CDH13: variants seen among roughly 807,000 people sequenced by gnomAD.
CDH13 encodes cadherin-13.
Under a neutral mutation model 63.8 loss-of-function variants are expected in CDH13, and 24 were observed. That is an observed-to-expected ratio of 0.38 (90% confidence interval 0.27 to 0.53). CDH13 has a LOEUF of 0.53. Ranked by LOEUF, CDH13 falls within the 20% of genes least tolerant of loss-of-function variation. The pLI, the probability that CDH13 is intolerant of heterozygous loss-of-function variation, is 0.85. For missense variants in CDH13, 1,049 were observed against 903.1 expected (o/e 1.16, Z -2.07); for synonymous variants, 503 against 355.3 (o/e 1.42, Z -4.67).
At position 83,227,228 on chromosome 16, in the gene CDH13, AAG is replaced by A. The variant is rs1345380856; in HGVS notation, c.636+9736_636+9737del. 3.3e-5 allele frequency among the ~76,000 whole-genome samples: 5 copies of A among 152,358 alleles called. No individual in the cohort carries two copies. In the South Asian group the frequency reaches 1.0e-3, roughly 32 times the overall value. On this transcript the variant is annotated intron_variant, in intron 5 of 13. Transcript: ENST00000567109. ...GGTGGCCAAGGATTACACAGTTGGA[AAG>A]AGAGGCCCCCTCTGACACCTGTAGC...
intron 1 of CDH13, among the ~76,000 whole-genome samples, chr16:82,828,662 G>GTA (rs760650893): frequency 1.4e-5 from 2 of 141,718 alleles, no homozygotes; most frequent in African/African-American, 2.6e-5. Flanking sequence ...GTGTGTGTGT[G>GTA]TGTATATATA....
At chr16:82,961,592 A>AAAAAAAAC (rs1907012815) in intron 2 of CDH13, among the ~76,000 whole-genome samples, 3 of 149,564 alleles carry the variant, frequency 2.0e-5, no homozygotes, top group African/African-American at 7.4e-5. Flanking sequence ...AAAAAAAAAA[A>AAAAAAAAC]AAAACTACTG....
chr16:82,932,581 G>C (rs1423098537), intron 2 of CDH13, among the ~76,000 whole-genome samples: 1 of 152,164 alleles, frequency 6.6e-6, no homozygotes, highest in Non-Finnish European at 1.5e-5. Context: ...CGTCCAGTGA[G>C]GTAGACTCAA....
chr16:82,903,233 A>T (rs370743706), intron 2 of CDH13, among the ~76,000 whole-genome samples: 2 of 152,236 alleles, frequency 1.3e-5, no homozygotes, highest in Admixed American at 6.5e-5. Context: ...GAATGCCTCA[A>T]TGAAAAACAT....
chr16:83,262,448 C>T (rs1316541601), intron 5 of CDH13, among the ~76,000 whole-genome samples: 2 of 152,248 alleles, frequency 1.3e-5, no homozygotes, highest in Middle Eastern at 3.4e-3. Flanking sequence ...GAAGAAATTT[C>T]ATTTTCTTTC....
chr16:82,695,746 A>G (rs550497132), intron 1 of CDH13, among the ~76,000 whole-genome samples: 2 of 152,246 alleles, frequency 1.3e-5, no homozygotes, highest in African/African-American at 2.4e-5. Context: ...ACAGCAGGAG[A>G]TTTGAACACA....
intron 8 of CDH13, among the ~76,000 whole-genome samples, chr16:83,603,540 C>G (rs1908049343): frequency 6.6e-6 from 1 of 152,192 alleles, no homozygotes; most frequent in Non-Finnish European, 1.5e-5. Context: ...TCCTGTGATT[C>G]AAAAGCTGCA....
At position 83,726,848 on chromosome 16, in the gene CDH13, A is replaced by G. The variant is rs201027799; in HGVS notation, c.1539-21260A>G. On this transcript the variant is annotated intron_variant, in intron 10 of 13. Coordinates refer to ENST00000567109, the MANE Select transcript of CDH13 (RefSeq NM_001257.5). ...AGCAAGACTCTGTCTCAAAAAAAAA[A>G]AAAAATCACCGTCCTTTTTTGGCGT... Among the ~76,000 whole-genome samples the G allele has an allele frequency of 9.3e-3, 1,420 of 152,180 alleles. 65 individuals carry two copies. The highest frequency in any genetic ancestry group is 0.068 in the Admixed American group (1,039 of 15,288).
At chr16:82,852,343 G>C (rs987469536) in intron 1 of CDH13, among the ~76,000 whole-genome samples, 12 of 152,180 alleles carry the variant, frequency 7.9e-5, no homozygotes, top group African/African-American at 2.9e-4. Context: ...GCGTTCCGTG[G>C]ATGTGTCTTG....
At position 83,796,837 on chromosome 16, in the gene CDH13, C is replaced by T. The variant is rs968256607; in HGVS notation, c.*1807C>T. 2.6e-5 allele frequency: 4 copies of T among 152,180 alleles called. No homozygotes were observed. The highest frequency in any genetic ancestry group is 9.7e-5 in the African/African-American group (4 of 41,444). 9.4% of individuals were successfully genotyped at this position (152,180 alleles called of 1,614,324 possible). On this transcript the variant is annotated 3_prime_UTR_variant, in exon 14 of 14. Transcript: ENST00000567109. ...AATCAGCTATAAAGGTAATTGCATACTCAAAGATGAGACGGACCATTCTCA... is the reference window on the plus strand; with the variant it reads ...AATCAGCTATAAAGGTAATTGCATATTCAAAGATGAGACGGACCATTCTCA...
In CDH13 at chr16:83,200,921, A is replaced by ATGTGTGTGTG. The variant is rs374017580; in HGVS notation, c.484-16382_484-16373dup. ...GGAGCAAGATTCTCTAGTCTTAAAA[A>ATGTGTGTGTG]TGTGTGTGTGTGTGTGTGTGTGTGT... On this transcript the variant is annotated intron_variant, in intron 4 of 13. Transcript: ENST00000567109. 2.8e-3 allele frequency among the ~76,000 whole-genome samples: 362 copies of ATGTGTGTGTG among 129,714 alleles called. 3 individuals are homozygous for ATGTGTGTGTG. Among genetic ancestry groups the ATGTGTGTGTG allele is most frequent in the African/African-American group, 4.8e-3 (170 of 35,436 alleles). 85.1% of individuals were successfully genotyped at this position (129,714 alleles called of 152,430 possible).
At chr16:83,030,759 C>G (rs993314545) in intron 2 of CDH13, among the ~76,000 whole-genome samples, 1 of 150,268 alleles carries the variant, frequency 6.7e-6, no homozygotes, top group African/African-American at 2.5e-5. Context: ...CTCCACACAA[C>G]AAATCGTCCA....
intron 8 of CDH13, among the ~76,000 whole-genome samples, chr16:83,665,793 T>C (rs1393086776): frequency 6.6e-6 from 1 of 152,186 alleles, no homozygotes; most frequent in African/African-American, 2.4e-5. Context: ...CTTCTGATCA[T>C]TATTTCCATC....
In CDH13 at chr16:83,348,404, T is replaced by C. The variant is rs192160707; in HGVS notation, c.781+3398T>C. Reference sequence around the variant, plus strand: ...CTCTAGGGTTCAACGGTGTTAAGTGTTGAGGCCTTTGTCACCACTCATGTC... The same window carrying C: ...CTCTAGGGTTCAACGGTGTTAAGTGCTGAGGCCTTTGTCACCACTCATGTC... On this transcript the variant is annotated intron_variant, in intron 6 of 13. Transcript: ENST00000567109. Among the ~76,000 whole-genome samples, 3 of 152,314 alleles carry C rather than the reference T, an allele frequency of 2.0e-5. No individual in the cohort carries two copies. The East Asian group carries it at 5.8e-4, about 29-fold the overall frequency.
At chr16:83,010,833 A>T (rs527947323) in intron 2 of CDH13, among the ~76,000 whole-genome samples, 1 of 152,338 alleles carries the variant, frequency 6.6e-6, no homozygotes, top group Admixed American at 6.5e-5. Flanking sequence ...AGTGGAGCTT[A>T]CGTGCAGTTG....
chr16:83,138,224 C>T (rs1195343833), intron 4 of CDH13, among the ~76,000 whole-genome samples: 1 of 152,070 alleles, frequency 6.6e-6, no homozygotes, highest in Non-Finnish European at 1.5e-5. Flanking sequence ...AATTGAGCTG[C>T]ATTAATTCAG....
At chr16:82,844,937 G>A (rs2039197059) in intron 1 of CDH13, among the ~76,000 whole-genome samples, 1 of 152,016 alleles carries the variant, frequency 6.6e-6, no homozygotes, top group Non-Finnish European at 1.5e-5. Flanking sequence ...TTACAGGCGT[G>A]AGGCACCGCA....
chr16:82,869,882 T>C (rs1343665738), intron 2 of CDH13, among the ~76,000 whole-genome samples: 1 of 152,140 alleles, frequency 6.6e-6, no homozygotes, highest in East Asian at 1.9e-4. Context: ...AACGACTACA[T>C]GAAAACATTG....
At chr16:82,638,932 T>G (rs1367926288) in intron 1 of CDH13, among the ~76,000 whole-genome samples, 2 of 146,506 alleles carry the variant, frequency 1.4e-5, no homozygotes, top group Admixed American at 1.4e-4. Flanking sequence ...TTACCCATGT[T>G]ATCTGGAATC....
Sources: allele counts gnomAD v4.1 joint callset (sites outside exome capture counted in the v4.1 genomes callset), GRCh38; gene constraint gnomAD v4.1.1; transcripts MANE v1.5; gene names NCBI Gene and HGNC (gene_info 2026-07-23, HGNC 2026-07-21).